Variants in ZNF804B observed in about 807,000 individuals in gnomAD.
The protein encoded by ZNF804B is zinc finger 804B.
ZNF804B carries 80 observed loss-of-function variants against 101.4 expected under a neutral mutation model. The observed-to-expected ratio is 0.79, with a 90% confidence interval of 0.66 to 0.95. The LOEUF is 0.95. Ranked by LOEUF, ZNF804B falls within the 40% of genes least tolerant of loss-of-function variation. ZNF804B has a pLI of 0.00. For synonymous variants in ZNF804B, 622 were observed against 558.8 expected, an observed-to-expected ratio of 1.11 and a Z score of -1.59; for missense variants, 1,673 against 1,561.9, an observed-to-expected ratio of 1.07 and a Z score of -1.20.
chr7:88,869,247 A>G (rs1182740717), intron 1 of ZNF804B, among the ~76,000 whole-genome samples: 3 of 152,212 alleles, frequency 2.0e-5, no homozygotes, highest in East Asian at 3.8e-4. Flanking sequence ...GGTCACAACT[A>G]TAAAACATGG....
intron 1 of ZNF804B, among the ~76,000 whole-genome samples, chr7:88,812,698 A>G (rs924166049): frequency 2.6e-4 from 39 of 152,200 alleles, no homozygotes; most frequent in Non-Finnish European, 4.9e-4. Flanking sequence ...ATATATACAT[A>G]TACACAATAT....
intron 1 of ZNF804B, among the ~76,000 whole-genome samples, chr7:89,131,680 A>C (rs1452446632): frequency 6.6e-6 from 1 of 152,026 alleles, no homozygotes; most frequent in African/African-American, 2.4e-5. Context: ...TCTTAAGAAA[A>C]TTGTCTCCTT....
chr7:88,925,490 G>A (rs572670297), intron 1 of ZNF804B, among the ~76,000 whole-genome samples: 1 of 152,068 alleles, frequency 6.6e-6, no homozygotes, highest in East Asian at 1.9e-4. Context: ...TTACAGAAAG[G>A]GACACTAAAG....
intron 2 of ZNF804B, among the ~76,000 whole-genome samples, chr7:89,277,637 A>G (rs1790009149): frequency 6.6e-6 from 1 of 150,938 alleles, no homozygotes; most frequent in Non-Finnish European, 1.5e-5. Context: ...ACTGAGAATG[A>G]TGATTTCCAA....
chr7:89,125,403 C>A (rs1226069614), intron 1 of ZNF804B, among the ~76,000 whole-genome samples: 1 of 151,790 alleles, frequency 6.6e-6, no homozygotes, highest in African/African-American at 2.4e-5. Context: ...CCTGGACTAA[C>A]TTTCAAACTT....
At chr7:89,164,215 A>G (rs1791109417) in intron 1 of ZNF804B, among the ~76,000 whole-genome samples, 1 of 152,054 alleles carries the variant, frequency 6.6e-6, no homozygotes, top group Admixed American at 6.6e-5. Context: ...CTGATCAAAA[A>G]TACCCCTTTC....
At chr7:88,819,792 C>A (rs1277289649) in intron 1 of ZNF804B, among the ~76,000 whole-genome samples, 1 of 152,010 alleles carries the variant, frequency 6.6e-6, no homozygotes, top group African/African-American at 2.4e-5. Flanking sequence ...AAATTTAGCG[C>A]AATTATTCTG....
chr7:89,037,534 GTA>G (rs1192944131), intron 1 of ZNF804B, among the ~76,000 whole-genome samples: 3 of 151,074 alleles, frequency 2.0e-5, no homozygotes, highest in Admixed American at 6.6e-5. Context: ...AATGAAAATT[GTA>G]TATGTTTATA....
chr7:88,969,740 A>C (rs1056645852), intron 1 of ZNF804B, among the ~76,000 whole-genome samples: 21 of 151,652 alleles, frequency 1.4e-4, no homozygotes, highest in African/African-American at 4.8e-4. Context: ...TGCTATATAC[A>C]TGATTGCTTA....
intron 1 of ZNF804B, among the ~76,000 whole-genome samples, chr7:89,215,762 A>G (rs1309197178): frequency 6.6e-6 from 1 of 151,818 alleles, no homozygotes; most frequent in African/African-American, 2.4e-5. Context: ...GGGCTCCTGT[A>G]GTGCAAGCTA....
chr7:88,864,557 C>T (rs1215677109), intron 1 of ZNF804B, among the ~76,000 whole-genome samples: 2 of 152,136 alleles, frequency 1.3e-5, no homozygotes, highest in Non-Finnish European at 2.9e-5. Context: ...GGAGTATTCA[C>T]CAGAGGCATG....
intron 1 of ZNF804B, among the ~76,000 whole-genome samples, chr7:89,041,301 T>G (rs1389242745): frequency 6.6e-6 from 1 of 152,186 alleles, no homozygotes; most frequent in Non-Finnish European, 1.5e-5. Context: ...AGTCTGGGTC[T>G]GCCCTGGTAG....
At position 89,203,323 on chromosome 7, in the gene ZNF804B, A is replaced by G. The variant is rs1788672815; in HGVS notation, c.109-14832A>G. ...CATAAATGCAGGTATATGTGCATAA[A>G]CTGATGTACAGAACTTCTTTTTGAG... On this transcript the variant is annotated intron_variant, in intron 1 of 3. Transcript: ENST00000333190. Among the ~76,000 whole-genome samples the G allele has an allele frequency of 2.0e-5, 3 of 152,298 alleles. No individual in the cohort carries two copies. The South Asian group carries it at 6.2e-4, about 32-fold the overall frequency.
chr7:89,162,743 C>A (rs1028173480), intron 1 of ZNF804B, among the ~76,000 whole-genome samples: 1 of 149,772 alleles, frequency 6.7e-6, no homozygotes, highest in Non-Finnish European at 1.5e-5. Context: ...CATGCTGGTG[C>A]GCTGCACCCA....
intron 1 of ZNF804B, among the ~76,000 whole-genome samples, chr7:88,858,559 T>G (rs1444122763): frequency 6.6e-6 from 1 of 152,134 alleles, no homozygotes; most frequent in Non-Finnish European, 1.5e-5. Context: ...AAGCAGTTAC[T>G]AAACACTGCC....
intron 1 of ZNF804B, among the ~76,000 whole-genome samples, chr7:89,082,991 TTAA>T (rs201618002): frequency 0.011 from 1,631 of 151,882 alleles, 24 homozygotes; most frequent in African/African-American, 0.037. Flanking sequence ...AAAAATTATT[TTAA>T]TAATAATCTG....
Position 89,333,380 on chromosome 7 carries a change from C to T in ZNF804B, c.398C>T (p.Pro133Leu), listed in dbSNP as rs374039656. 1.9e-6 allele frequency: 3 copies of T among 1,598,866 alleles called. No individual in the cohort carries two copies. In the African/African-American group the frequency reaches 4.1e-5, roughly 22 times the overall value. Residue 133 changes from proline to leucine, a missense_variant, in exon 4 of 4, where the codon CCA becomes CTA. By Grantham distance (98) the Pro-to-Leu change is moderately conservative (BLOSUM62 -3). Coordinates refer to ENST00000333190, the MANE Select transcript of ZNF804B (RefSeq NM_181646.5). ...ATTTACAGTGTTTCTGGAAATGGACCAGCATACAAAGCCCCCAGGGTAGCC... is the reference window on the plus strand; with the variant it reads ...ATTTACAGTGTTTCTGGAAATGGACTAGCATACAAAGCCCCCAGGGTAGCC... The part of the protein sequence containing the change: ...QQSECVSGNG[P>L]AYKAPRVAIE...
chr7:89,024,246 A>G (rs1318368684), intron 1 of ZNF804B, among the ~76,000 whole-genome samples: 1 of 152,098 alleles, frequency 6.6e-6, no homozygotes, highest in Non-Finnish European at 1.5e-5. Context: ...TTCCTTTGCA[A>G]TATTAGATAG....
intron 1 of ZNF804B, among the ~76,000 whole-genome samples, chr7:88,803,425 C>G (rs1346657530): frequency 6.6e-6 from 1 of 152,126 alleles, no homozygotes; most frequent in Non-Finnish European, 1.5e-5. Flanking sequence ...AGTCCAGACA[C>G]CTTGCATACT....
Sources: gnomAD v4.1 joint callset for allele counts (sites outside exome capture counted in the v4.1 genomes callset) on GRCh38, gnomAD v4.1.1 for gene constraint, MANE v1.5 for transcripts, NCBI Gene and HGNC (gene_info 2026-07-23, HGNC 2026-07-21) for gene names.